Variants in CACNB2 observed in about 807,000 individuals in gnomAD.
CACNB2 encodes calcium voltage-gated channel auxiliary subunit beta 2.
CACNB2 carries 42 observed loss-of-function variants against 73.3 expected under a neutral mutation model. The ratio of observed to expected loss-of-function variants is 0.57; its 90% CI spans 0.45 to 0.74. CACNB2 has a LOEUF of 0.74. CACNB2 is among the 30% of genes least tolerant of loss of function. The pLI, the probability that CACNB2 is intolerant of heterozygous loss-of-function variation, is 0.00. For synonymous variants in CACNB2, 348 were observed against 310.3 expected, an observed-to-expected ratio of 1.12 and a Z score of -1.28; for missense variants, 940 against 853.0, an observed-to-expected ratio of 1.10 and a Z score of -1.27.
intron 2 of CACNB2, among the ~76,000 whole-genome samples, chr10:18,292,396 G>A (rs112605567): frequency 2.6e-5 from 4 of 152,262 alleles, no homozygotes; most frequent in East Asian, 1.9e-4. Context: ...AGTGGCTCAC[G>A]CCTGTAATCC....
At chr10:18,467,776 A>G (rs1238123461) in intron 3 of CACNB2, among the ~76,000 whole-genome samples, 1 of 152,138 alleles carries the variant, frequency 6.6e-6, no homozygotes, top group Admixed American at 6.5e-5. Flanking sequence ...CTCCCCAGGC[A>G]CAGTCTATCA....
At chr10:18,476,944 C>T (rs557987381) in intron 3 of CACNB2, among the ~76,000 whole-genome samples, 5 of 151,594 alleles carry the variant, frequency 3.3e-5, no homozygotes, top group Admixed American at 2.0e-4. Flanking sequence ...CACTTGAACC[C>T]GGGAGGCAGA....
intron 3 of CACNB2, among the ~76,000 whole-genome samples, chr10:18,422,229 C>G (rs1432047160): frequency 6.6e-6 from 1 of 152,210 alleles, no homozygotes; most frequent in East Asian, 1.9e-4. Context: ...GTGCTAACTT[C>G]TATCAGATAC....
intron 2 of CACNB2, among the ~76,000 whole-genome samples, chr10:18,246,812 ATT>A: frequency 6.6e-6 from 1 of 151,974 alleles, no homozygotes; most frequent in Non-Finnish European, 1.5e-5. Context: ...GGGTTTCACT[ATT>A]TTGCCCAGGC....
At position 18,254,689 on chromosome 10, in the gene CACNB2, G is replaced by C. The variant is rs147718152; in HGVS notation, c.213+103714G>C. The stretch of plus-strand genomic sequence containing the variant: ...GTGCATTTTGGTGGCTAAAGAAGTG[G>C]AGTTCAGTGGAAGCTGCAAGCAGCC... On this transcript the variant is annotated intron_variant, in intron 2 of 13. Coordinates refer to ENST00000324631, the MANE Select transcript of CACNB2 (RefSeq NM_201596.3). Among the ~76,000 whole-genome samples, 708 of 152,322 alleles carry C rather than the reference G, an allele frequency of 4.6e-3. 10 individuals are homozygous for C. The highest frequency in any genetic ancestry group is 0.016 in the African/African-American group (678 of 41,578).
chr10:18,227,342 G>T (rs977797811), intron 2 of CACNB2, among the ~76,000 whole-genome samples: 3 of 152,080 alleles, frequency 2.0e-5, no homozygotes, highest in Admixed American at 6.6e-5. Flanking sequence ...TTTGGTGTGG[G>T]CTGGGGAGTG....
rs1283538187 is a variant in CACNB2 at position 18,541,754 on chromosome 10, T to A, written c.*2030T>A. On this transcript the variant is annotated 3_prime_UTR_variant, in exon 14 of 14. Coordinates refer to ENST00000324631, the MANE Select transcript of CACNB2 (RefSeq NM_201596.3). ...GTGCACACCTGTAATCCCAGCTACT[T>A]GGGAGGCTGAGGCAGGAGAATTGCT... is the stretch of plus-strand genomic sequence containing the variant. 6.6e-6 allele frequency: 1 copy of A among 151,758 alleles called. No homozygotes were observed. The highest frequency in any genetic ancestry group is 2.4e-5 in the African/African-American group (1 of 41,276). The allele number at this position is 151,758 out of a possible 1,614,324, so 9.4% of individuals were successfully genotyped here. A position where few individuals can be genotyped will look rare whatever the true frequency, so the allele number is the denominator to read the frequency against.
chr10:18,479,333 C>A (rs549040339), intron 3 of CACNB2, among the ~76,000 whole-genome samples: 1 of 152,108 alleles, frequency 6.6e-6, no homozygotes, highest in African/African-American at 2.4e-5. Flanking sequence ...GATCCTATCT[C>A]TTAACAGATC....
At chr10:18,183,545 G>A (rs1716193064) in intron 2 of CACNB2, among the ~76,000 whole-genome samples, 2 of 152,146 alleles carry the variant, frequency 1.3e-5, no homozygotes, top group Non-Finnish European at 2.9e-5. Context: ...CATGGCAGCA[G>A]GCAAGAGAGA....
In CACNB2 at chr10:18,245,096, T is replaced by C. The variant is rs999668070; in HGVS notation, c.213+94121T>C. ...AACACAGCCTTGGATTTTTTTTTTT[T>C]CCCCAGTAAGACTCATTTCGGACTC... On this transcript the variant is annotated intron_variant, in intron 2 of 13. Coordinates refer to ENST00000324631, the MANE Select transcript of CACNB2 (RefSeq NM_201596.3). Among the ~76,000 whole-genome samples the C allele has an allele frequency of 4.6e-5, 7 of 151,534 alleles. No homozygotes were observed. In the South Asian group the frequency reaches 6.3e-4, roughly 14 times the overall value.
At chr10:18,315,493 T>G (rs573849370) in intron 2 of CACNB2, among the ~76,000 whole-genome samples, 1 of 104,300 alleles carries the variant, frequency 9.6e-6, no homozygotes, top group Admixed American at 1.2e-4. Context: ...AGACCTTGTC[T>G]CTATTTAAAA....
At chr10:18,339,566 C>G (rs1376398949) in intron 2 of CACNB2, among the ~76,000 whole-genome samples, 1 of 152,114 alleles carries the variant, frequency 6.6e-6, no homozygotes, top group Non-Finnish European at 1.5e-5. Flanking sequence ...ATGTGAAAGT[C>G]TAGTTGCTCT....
rs111286554 is a variant in CACNB2, at chr10:18,175,579, T to C, written c.213+24604T>C. ...TGCCAGGGATACAGGGCTCCAGTCT[T>C]CCGGCTTCTTGATGAATTTTTTTTA... On this transcript the variant is annotated intron_variant, in intron 2 of 13. Coordinates refer to ENST00000324631, the MANE Select transcript of CACNB2 (RefSeq NM_201596.3). Among the ~76,000 whole-genome samples, 301 of 152,258 alleles carry C rather than the reference T, an allele frequency of 2.0e-3. 2 individuals carry two copies. Among genetic ancestry groups the C allele is most frequent in the African/African-American group, 6.7e-3 (279 of 41,552 alleles).
chr10:18,326,606 T>A (rs912315432), intron 2 of CACNB2, among the ~76,000 whole-genome samples: 9 of 152,216 alleles, frequency 5.9e-5, no homozygotes, highest in Non-Finnish European at 1.5e-5. Context: ...CACAGCTCAC[T>A]TGGAAGAAGT....
At chr10:18,336,523 G>A (rs1326630602) in intron 2 of CACNB2, among the ~76,000 whole-genome samples, 1 of 152,084 alleles carries the variant, frequency 6.6e-6, no homozygotes, top group African/African-American at 2.4e-5. Context: ...AGAGGCTGAG[G>A]CATAAAAATT....
At chr10:18,225,360 A>G (rs2035948317) in intron 2 of CACNB2, among the ~76,000 whole-genome samples, 1 of 152,202 alleles carries the variant, frequency 6.6e-6, no homozygotes, top group East Asian at 1.9e-4. Context: ...GGTCACCTCA[A>G]AATATTACAA....
chr10:18,297,667 G>A (rs933384111), intron 2 of CACNB2, among the ~76,000 whole-genome samples: 1 of 152,136 alleles, frequency 6.6e-6, no homozygotes, highest in African/African-American at 2.4e-5. Flanking sequence ...CTGAGCCCAG[G>A]GCTGCTCCAC....
chr10:18,194,367 C>A (rs1369729340), intron 2 of CACNB2, among the ~76,000 whole-genome samples: 3 of 152,018 alleles, frequency 2.0e-5, no homozygotes, highest in Non-Finnish European at 4.4e-5. Flanking sequence ...TCCCAATTTA[C>A]CTGACAATGA....
At chr10:18,539,134 T>G in intron 13 of CACNB2, 96 bp from the exon 14 acceptor site, 1 of 1,509,430 alleles carries the variant, frequency 6.6e-7, no homozygotes, top group Non-Finnish European at 9.2e-7. Context: ...GCTTTTCGGA[T>G]GCTTAAAAAG....
Sources: allele counts gnomAD v4.1 joint callset (sites outside exome capture counted in the v4.1 genomes callset), GRCh38; gene constraint gnomAD v4.1.1; transcripts MANE v1.5; gene names NCBI Gene and HGNC (gene_info 2026-07-23, HGNC 2026-07-21).